PTPA: variants seen among roughly 807,000 people sequenced by gnomAD.
PTPA encodes the protein protein phosphatase 2 phosphatase activator.
In PTPA, 13 loss-of-function variants were observed where a neutral mutation model predicts 43.6. The ratio of observed to expected loss-of-function variants is 0.30; its 90% CI spans 0.19 to 0.47. The LOEUF (loss-of-function observed/expected upper bound fraction) is 0.47. Among genes scored for constraint, PTPA ranks in the 20% least tolerant of loss-of-function variants. The probability of loss-of-function intolerance (pLI) is 0.99; values close to 1 mark genes in which losing one functional copy is unlikely to be tolerated. For synonymous variants in PTPA, 172 were observed against 158.2 expected (o/e 1.09, Z -0.66); for missense variants, 329 against 411.9 (o/e 0.80, Z 1.74).
intron 3 of PTPA, among the ~76,000 whole-genome samples, chr9:129,127,380 A>G (rs1199122776): frequency 4.6e-5 from 7 of 152,146 alleles, no homozygotes; most frequent in African/African-American, 1.7e-4. Flanking sequence ...CCCAGGCGCA[A>G]CTTCTCATGT....
intron 1 of PTPA, among the ~76,000 whole-genome samples, chr9:129,120,057 C>T (rs959781974): frequency 7.2e-5 from 11 of 152,000 alleles, no homozygotes; most frequent in Non-Finnish European, 1.5e-4. Flanking sequence ...CAGGAGTTTG[C>T]GATCAGCCTG....
In PTPA at chr9:129,127,253, A is replaced by G. The variant is rs11788369; in HGVS notation, c.217-1732A>G. On this transcript the variant is annotated intron_variant, in intron 3 of 9. Coordinates refer to ENST00000393370, the MANE Select transcript of PTPA (RefSeq NM_178000.3). ...GAGCAGCACTCAGGGCCGGTTTCAC[A>G]TATGCAGCTGGGGGCATGGCCAGCC... 4.0e-3 allele frequency among the ~76,000 whole-genome samples: 605 copies of G among 152,282 alleles called. 3 individuals carry two copies. Among genetic ancestry groups the G allele is most frequent in the Admixed American group, 8.5e-3 (130 of 15,282 alleles).
chr9:129,127,295 G>C (rs1024020899), intron 3 of PTPA, among the ~76,000 whole-genome samples: 1 of 152,186 alleles, frequency 6.6e-6, no homozygotes, highest in African/African-American at 2.4e-5. Context: ...ATTAGCTTAA[G>C]CCTGCCTCTC....
chr9:129,126,571 T>G (rs779930162), intron 3 of PTPA, among the ~76,000 whole-genome samples: 20 of 152,156 alleles, frequency 1.3e-4, no homozygotes, highest in Non-Finnish European at 1.2e-4. Flanking sequence ...GAGATTTATT[T>G]TTGTTGTTGT....
intron 9 of PTPA, chr9:129,143,675 C>G (rs1343260982): frequency 2.0e-6 from 1 of 497,190 alleles, no homozygotes; most frequent in Non-Finnish European, 3.7e-6. Context: ...CTTTGGTCCC[C>G]TTCCTCTGGA....
At chr9:129,140,747 C>T (rs1363527599) in intron 8 of PTPA, among the ~76,000 whole-genome samples, 1 of 126,664 alleles carries the variant, frequency 7.9e-6, no homozygotes. Context: ...TTTCCTGGGC[C>T]TGGAAGTGTG....
At chr9:129,138,835 G>A (rs1024604421) in intron 8 of PTPA, among the ~76,000 whole-genome samples, 1 of 152,230 alleles carries the variant, frequency 6.6e-6, no homozygotes, top group African/African-American at 2.4e-5. Context: ...TTCCAAGTCA[G>A]CAAATGGAGC....
At position 129,111,532 on chromosome 9, in the gene PTPA, A is replaced by G; in HGVS notation, c.-69A>G. 1 of 1,279,904 alleles carries G rather than the reference A, an allele frequency of 7.8e-7. No homozygotes were observed. The highest frequency in any genetic ancestry group is 9.9e-7 in the Non-Finnish European group (1 of 1,005,124). 79.3% of individuals were successfully genotyped at this position (1,279,904 alleles called of 1,614,324 possible). On this transcript the variant is annotated 5_prime_UTR_variant, in exon 1 of 10. Transcript: ENST00000393370. ...GCCTTTGGTGGAGCCGGGGAGAGGA[A>G]GGGTGGGTGCAAGAGTGAAAGGCGA...
intron 8 of PTPA, among the ~76,000 whole-genome samples, chr9:129,138,430 G>C (rs1217894097): frequency 1.3e-5 from 2 of 152,198 alleles, no homozygotes; most frequent in African/African-American, 4.8e-5. Flanking sequence ...CTAAACACAC[G>C]TGCCAGGCGA....
intron 1 of PTPA, chr9:129,119,408 T>G (rs1291472204): frequency 7.1e-6 from 1 of 140,090 alleles, no homozygotes; most frequent in African/African-American, 2.7e-5. Context: ...TGCAATTAGG[T>G]TTTTTTTTTT....
rs1014471527 is a variant in PTPA, at chr9:129,137,533, G to A, written c.686-59G>A. The stretch of plus-strand genomic sequence containing the variant: ...CTGGGGGGGTGTGACTGCTGGGCCG[G>A]GTTGCCCAGGTAGTCGTGGGGCCTG... On this transcript the variant is annotated intron_variant, in intron 7 of 9. Coordinates refer to ENST00000393370, the MANE Select transcript of PTPA (RefSeq NM_178000.3). 7.6e-5 allele frequency: 107 copies of A among 1,406,502 alleles called. No homozygotes were observed. The East Asian group carries it at 2.5e-3, about 33-fold the overall frequency. 87.1% of individuals were successfully genotyped at this position (1,406,502 alleles called of 1,614,324 possible).
rs528006628 is a variant in PTPA at position 129,114,492 on chromosome 9, C to A, written c.31+2861C>A. 6.6e-5 allele frequency among the ~76,000 whole-genome samples: 10 copies of A among 152,184 alleles called. 1 individual carries two copies. The highest frequency in any genetic ancestry group is 2.4e-4 in the African/African-American group (10 of 41,514). On this transcript the variant is annotated intron_variant, in intron 1 of 9. Coordinates refer to ENST00000393370, the MANE Select transcript of PTPA (RefSeq NM_178000.3). The stretch of plus-strand genomic sequence containing the variant: ...TATTTCTTAAAATAACTATAGGCTA[C>A]TATACTTTCTTCATAGAATTGTAGT...
In PTPA at chr9:129,111,597, C is replaced by A; in HGVS notation, c.-4C>A. The A allele has an allele frequency of 7.8e-7, 1 of 1,282,310 alleles. No individual in the cohort carries two copies. The highest frequency in any genetic ancestry group is 9.9e-7 in the Non-Finnish European group (1 of 1,006,462). 79.4% of individuals were successfully genotyped at this position (1,282,310 alleles called of 1,614,324 possible). On this transcript the variant is annotated 5_prime_UTR_variant, in exon 1 of 10. Coordinates refer to ENST00000393370, the MANE Select transcript of PTPA (RefSeq NM_178000.3). Reference sequence around the variant, plus strand: ...CATCCGGGTCGGCTCCTGGCCGGAGCAAGATGGCTGAGGGCGAGCGGCAGC... The same window carrying A: ...CATCCGGGTCGGCTCCTGGCCGGAGAAAGATGGCTGAGGGCGAGCGGCAGC...
rs1564202293 is a variant in PTPA, at chr9:129,142,314, C to CGTGCATTGTGTGTGTGT, written c.787-130_787-129insTGCATTGTGTGTGTGTG. ...CTATAGCTTGGTCCCCAAGTGTCTG[C>CGTGCATTGTGTGTGTGT]GCGTGCATTGTGTGCGTGTGCGTTT... On this transcript the variant is annotated intron_variant, in intron 8 of 9. Coordinates refer to ENST00000393370, the MANE Select transcript of PTPA (RefSeq NM_178000.3). 4.7e-4 allele frequency: 374 copies of CGTGCATTGTGTGTGTGT among 793,652 alleles called. 1 individual carries two copies. The African/African-American group carries it at 5.6e-3, about 12-fold the overall frequency. 49.2% of individuals were successfully genotyped at this position (793,652 alleles called of 1,614,324 possible).
Position 129,148,174 on chromosome 9 carries a change from C to T in PTPA, c.*710C>T, listed in dbSNP as rs562458947. The T allele has an allele frequency of 2.1e-3, 320 of 152,694 alleles. 1 individual carries two copies. The highest frequency in any genetic ancestry group is 7.5e-3 in the African/African-American group (310 of 41,584). The allele number at this position is 152,694 out of a possible 1,614,324, so 9.5% of individuals were successfully genotyped here. On this transcript the variant is annotated 3_prime_UTR_variant, in exon 10 of 10. Coordinates refer to ENST00000393370, the MANE Select transcript of PTPA (RefSeq NM_178000.3). ...GACTGTAGCCACATCTCTCCCGCTC[C>T]CTAAGGGTAACCTAGCCAATGGAAG... is the stretch of plus-strand genomic sequence containing the variant.
chr9:129,143,361 C>T (rs1230266045), intron 9 of PTPA: 13 of 703,006 alleles, frequency 1.8e-5, no homozygotes, highest in Middle Eastern at 2.3e-4. Context: ...AAAGTCCCTT[C>T]TTTCTGTTCT....
At chr9:129,143,140 C>T in intron 9 of PTPA, 1 of 604,876 alleles carries the variant, frequency 1.7e-6, no homozygotes, top group Non-Finnish European at 2.9e-6. Context: ...TGCTGGCAGG[C>T]AGCCGAGGGT....
intron 9 of PTPA, 90 bp downstream of exon 9, chr9:129,142,642 C>G: frequency 6.4e-7 from 1 of 1,566,224 alleles, no homozygotes; most frequent in South Asian, 1.2e-5. Context: ...CCTGGGGCTC[C>G]TGCTTCCTCC....
chr9:129,128,536 CAAAAAA>C (rs35647247), intron 3 of PTPA, among the ~76,000 whole-genome samples: 3 of 117,356 alleles, frequency 2.6e-5, no homozygotes, highest in Non-Finnish European at 5.7e-5. Flanking sequence ...AACTCTGTCT[CAAAAAA>C]AAAAAAAAAA....
Sources: gnomAD v4.1 joint callset for allele counts (sites outside exome capture counted in the v4.1 genomes callset) on GRCh38, gnomAD v4.1.1 for gene constraint, MANE v1.5 for transcripts, NCBI Gene and HGNC (gene_info 2026-07-23, HGNC 2026-07-21) for gene names.